ME1: variants seen among roughly 807,000 people sequenced by gnomAD.
ME1 encodes the protein NADP-dependent malic enzyme.
In ME1, 74 loss-of-function variants were observed where a neutral mutation model predicts 66.4. The ratio of observed to expected loss-of-function variants is 1.11; its 90% CI spans 0.92 to 1.35. The LOEUF (loss-of-function observed/expected upper bound fraction) is 1.35. ME1 is among the 40% of genes most tolerant of loss of function. ME1 has a pLI of 0.00. For missense variants in ME1, 750 were observed against 694.1 expected (o/e 1.08, Z -0.90); for synonymous variants, 251 against 235.6 (o/e 1.07, Z -0.60).
chr6:83,393,342 T>A (rs1413503655), intron 3 of ME1: 1 of 1,157,280 alleles, frequency 8.6e-7, no homozygotes, highest in Non-Finnish European at 1.3e-6. Context: ...TTTCCTGGTA[T>A]GACAATGAAT....
intron 9 of ME1, among the ~76,000 whole-genome samples, chr6:83,234,454 CT>C (rs1334541614): frequency 5.3e-5 from 8 of 152,106 alleles, no homozygotes; most frequent in Non-Finnish European, 7.4e-5. Flanking sequence ...ATGTGTGAAA[CT>C]GATCCTGTTA....
chr6:83,330,618 A>G (rs1768386635), intron 5 of ME1, among the ~76,000 whole-genome samples: 1 of 152,136 alleles, frequency 6.6e-6, no homozygotes, highest in Non-Finnish European at 1.5e-5. Context: ...ACTTCCTACT[A>G]GGTTTCTGTC....
chr6:83,407,914 AACAC>A lies in ME1; in HGVS notation c.79-17_79-14del. 1.3e-6 allele frequency: 2 copies of A among 1,577,248 alleles called. No individual in the cohort carries two copies. Among genetic ancestry groups the A allele is most frequent in the Non-Finnish European group, 1.7e-6 (2 of 1,164,158 alleles). ...TAAAGGCCAAGTCCTATAGAGAAAA[AACAC>A]ACACACACACACAACAGTATTTGAG... On this transcript the variant is annotated splice_polypyrimidine_tract_variant and intron_variant, in intron 1 of 13. Coordinates refer to ENST00000369705, the MANE Select transcript of ME1 (RefSeq NM_002395.6).
chr6:83,227,173 C>A (rs543960749), intron 11 of ME1, among the ~76,000 whole-genome samples, 162 bp downstream of exon 11: 129 of 152,200 alleles, frequency 8.5e-4, no homozygotes, highest in Middle Eastern at 6.8e-3. Context: ...ATACAACATT[C>A]TAGAAAAGGA....
chr6:83,331,074 G>T (rs1243544261), intron 5 of ME1, among the ~76,000 whole-genome samples: 1 of 152,148 alleles, frequency 6.6e-6, no homozygotes, highest in Non-Finnish European at 1.5e-5. Flanking sequence ...AATAAGCAAA[G>T]AATACGCAGA....
intron 6 of ME1, among the ~76,000 whole-genome samples, chr6:83,283,248 A>AAAAAAAAAAAG (rs70987744): frequency 7.2e-6 from 1 of 139,612 alleles, no homozygotes; most frequent in African/African-American, 2.9e-5. Flanking sequence ...AAAAAAAAAA[A>AAAAAAAAAAAG]TGATGAGTTC....
chr6:83,310,058 G>T (rs1379599322), intron 6 of ME1, among the ~76,000 whole-genome samples: 1 of 152,176 alleles, frequency 6.6e-6, no homozygotes, highest in African/African-American at 2.4e-5. Flanking sequence ...CTCCACTAGA[G>T]ATGCTAATTA....
chr6:83,372,897 C>T (rs1769216880), intron 3 of ME1, among the ~76,000 whole-genome samples: 1 of 152,116 alleles, frequency 6.6e-6, no homozygotes, highest in African/African-American at 2.4e-5. Context: ...AATGGTTATG[C>T]TATGTCCACC....
At chr6:83,372,389 GT>G (rs1205052994) in intron 3 of ME1, among the ~76,000 whole-genome samples, 3 of 152,136 alleles carry the variant, frequency 2.0e-5, no homozygotes, top group African/African-American at 7.2e-5. Context: ...AGCATCAACA[GT>G]TTTAATTTAA....
chr6:83,239,685 C>A, intron 7 of ME1, 49 bp from the exon 8 acceptor site: 1 of 1,321,580 alleles, frequency 7.6e-7, no homozygotes, highest in South Asian at 1.2e-5. Flanking sequence ...CAGATCCTGC[C>A]AATTTTCAAG....
At chr6:83,273,933 T>C (rs1350553836) in intron 6 of ME1, among the ~76,000 whole-genome samples, 2 of 152,194 alleles carry the variant, frequency 1.3e-5, no homozygotes. Context: ...AAAGTGAGTT[T>C]TCAGTGGAAA....
intron 6 of ME1, among the ~76,000 whole-genome samples, chr6:83,297,599 A>AT (rs10651179): frequency 1.3e-5 from 2 of 151,308 alleles, no homozygotes; most frequent in Non-Finnish European, 2.9e-5. Flanking sequence ...TTTAAATATT[A>AT]TTTAAGTTCC....
At chr6:83,419,795 T>C (rs1377919143) in intron 1 of ME1, among the ~76,000 whole-genome samples, 2 of 152,260 alleles carry the variant, frequency 1.3e-5, no homozygotes, top group Non-Finnish European at 2.9e-5. Context: ...TAGAGACTGC[T>C]AATTGCCTAC....
intron 1 of ME1, among the ~76,000 whole-genome samples, chr6:83,415,698 A>G (rs961636486): frequency 6.6e-6 from 1 of 152,180 alleles, no homozygotes; most frequent in African/African-American, 2.4e-5. Context: ...TTCCACATAT[A>G]CCTTAGGAAA....
chr6:83,383,174 T>C (rs1402034779), intron 3 of ME1, among the ~76,000 whole-genome samples: 2 of 151,438 alleles, frequency 1.3e-5, no homozygotes, highest in East Asian at 1.9e-4. Context: ...ATACTATTGG[T>C]TTTTTTTCTC....
intron 2 of ME1, among the ~76,000 whole-genome samples, chr6:83,399,753 A>G (rs1276582408): frequency 6.6e-6 from 1 of 152,206 alleles, no homozygotes; most frequent in African/African-American, 2.4e-5. Context: ...TTGCAAAACT[A>G]CTCAACAATC....
At chr6:83,281,947 G>A (rs1767303895) in intron 6 of ME1, among the ~76,000 whole-genome samples, 1 of 147,532 alleles carries the variant, frequency 6.8e-6, no homozygotes, top group Non-Finnish European at 1.5e-5. Context: ...GGAAATGCAG[G>A]AAGAGATAAT....
At chr6:83,213,249 A>AC (rs1789929398) in intron 13 of ME1, among the ~76,000 whole-genome samples, 1 of 151,380 alleles carries the variant, frequency 6.6e-6, no homozygotes, top group Admixed American at 6.6e-5. Context: ...ACATGGAGAA[A>AC]CCCCATCTCT....
At chr6:83,249,721 C>T (rs1379669472) in intron 7 of ME1, among the ~76,000 whole-genome samples, 1 of 152,034 alleles carries the variant, frequency 6.6e-6, no homozygotes, top group African/African-American at 2.4e-5. Context: ...TCATCTTGTG[C>T]TTGCCATCAC....
Sources: allele counts gnomAD v4.1 joint callset (sites outside exome capture counted in the v4.1 genomes callset), GRCh38; gene constraint gnomAD v4.1.1; transcripts MANE v1.5; gene names NCBI Gene and HGNC (gene_info 2026-07-23, HGNC 2026-07-21).